The following RFX7 variants were observed in gnomAD, a reference collection of about 807,000 sequenced individuals.
RFX7 encodes the protein regulatory factor X7.
A neutral mutation model predicts 111.8 loss-of-function variants in RFX7; 26 were observed. The ratio of observed to expected loss-of-function variants is 0.23; its 90% CI spans 0.17 to 0.32. RFX7 has a LOEUF of 0.32. Ranked by LOEUF, RFX7 falls within the 10% of genes least tolerant of loss-of-function variation. The pLI, the probability that RFX7 is intolerant of heterozygous loss-of-function variation, is 1.00. For missense variants in RFX7, 1,573 were observed against 1,772.9 expected (o/e 0.89, Z 2.02); for synonymous variants, 624 against 624.4 (o/e 1.00, Z 0.01).
At chr15:56,206,883 GT>G (rs547494471) in intron 2 of RFX7, among the ~76,000 whole-genome samples, 348 of 150,706 alleles carry the variant, frequency 2.3e-3, no homozygotes, top group Non-Finnish European at 4.2e-3. Flanking sequence ...GGGGTGGGGT[GT>G]GGGGAAGTGG....
chr15:56,141,675 A>ATATATATATATATATATATATATATATG (rs1567024632), intron 5 of RFX7, among the ~76,000 whole-genome samples: 1 of 137,368 alleles, frequency 7.3e-6, no homozygotes, highest in African/African-American at 2.9e-5. Flanking sequence ...ATATATATAT[A>ATATATATATATATATATATATATATATG]TGCATATATG....
chr15:56,087,649 T>G lies in RFX7; in HGVS notation c.*5696A>C. 1 of 436,448 alleles carries G rather than the reference T, an allele frequency of 2.3e-6. No homozygotes were observed. Among genetic ancestry groups the G allele is most frequent in the South Asian group, 1.6e-5 (1 of 60,700 alleles). 27.0% of individuals were successfully genotyped at this position (436,448 alleles called of 1,614,324 possible). On this transcript the variant is annotated 3_prime_UTR_variant, in exon 10 of 10. Coordinates refer to ENST00000559447, the MANE Select transcript of RFX7 (RefSeq NM_022841.7). ...GTGCTCAGCTAAAAATCAAGGACTTTTACAGTAAAGAAGAAGGGGAGAATG... is the reference window on the plus strand; with the variant it reads ...GTGCTCAGCTAAAAATCAAGGACTTGTACAGTAAAGAAGAAGGGGAGAATG...
chr15:56,179,244 AT>A, intron 3 of RFX7, 25 bp downstream of exon 3: 1 of 1,156,794 alleles, frequency 8.6e-7, no homozygotes, highest in South Asian at 1.4e-5. Context: ...TTGCAAAAGG[AT>A]TTTAATATTA....
intron 3 of RFX7, among the ~76,000 whole-genome samples, chr15:56,159,938 GTGAAGCATCAGGTTT>G (rs2042701643): frequency 6.6e-6 from 1 of 152,210 alleles, no homozygotes; most frequent in Non-Finnish European, 1.5e-5. Flanking sequence ...CTGTGAAAAA[GTGAAGCATCAGGTTT>G]AAGCCACAAC....
rs865903498 is a variant in RFX7, at chr15:56,110,330, A to T, written c.402-6660T>A. 7.3e-3 allele frequency among the ~76,000 whole-genome samples: 241 copies of T among 33,222 alleles called. 31 individuals are homozygous for T. Among genetic ancestry groups the T allele is most frequent in the Middle Eastern group, 0.045 (1 of 22 alleles). The allele number at this position is 33,222 out of a possible 152,430, so 21.8% of individuals were successfully genotyped here. A position where few individuals can be genotyped will look rare whatever the true frequency, so the allele number is the denominator to read the frequency against. On this transcript the variant is annotated intron_variant, in intron 5 of 9. Coordinates refer to ENST00000559447, the MANE Select transcript of RFX7 (RefSeq NM_022841.7). ...CCGGGAGGGAGGTGGGGGGGGGGTC[A>T]GCCCCCCGCCTGGCCAGCCGCCTCG...
intron 5 of RFX7, among the ~76,000 whole-genome samples, chr15:56,141,033 C>T (rs1469448689): frequency 6.6e-6 from 1 of 152,200 alleles, no homozygotes; most frequent in Non-Finnish European, 1.5e-5. Flanking sequence ...GGAATTGTCA[C>T]ACATTTATTT....
intron 3 of RFX7, among the ~76,000 whole-genome samples, chr15:56,157,525 T>C (rs951655651): frequency 2.6e-5 from 4 of 152,246 alleles, no homozygotes; most frequent in Non-Finnish European, 5.9e-5. Context: ...GCCACTTTTA[T>C]GTTCAGCATA....
intron 2 of RFX7, among the ~76,000 whole-genome samples, chr15:56,227,556 G>C (rs1456529703): frequency 6.6e-6 from 1 of 152,034 alleles, no homozygotes; most frequent in Non-Finnish European, 1.5e-5. Flanking sequence ...TCTAGAGTTT[G>C]CAATATACAT....
intron 3 of RFX7, among the ~76,000 whole-genome samples, chr15:56,177,715 G>A (rs2042917367): frequency 6.6e-6 from 1 of 152,098 alleles, no homozygotes; most frequent in Admixed American, 6.5e-5. Context: ...AGAGTGGGTG[G>A]CCATATATAG....
rs551490714 is a variant in RFX7, at chr15:56,154,519, A to C, written c.196-10036T>G. ...GATCTTTGACAAACCTGAGAAAAAC[A>C]AGCAATGGGGAAAGGATTCCCTATT... is the stretch of plus-strand genomic sequence containing the variant. On this transcript the variant is annotated intron_variant, in intron 3 of 9. Coordinates refer to ENST00000559447, the MANE Select transcript of RFX7 (RefSeq NM_022841.7). Among the ~76,000 whole-genome samples the C allele has an allele frequency of 1.4e-3, 220 of 152,302 alleles. 2 individuals carry two copies. The South Asian group carries it at 0.015, about 10-fold the overall frequency.
In RFX7 at chr15:56,096,288, G is replaced by T; in HGVS notation, c.1440C>A (p.Leu480=). The T allele has an allele frequency of 6.2e-7, 1 of 1,613,960 alleles. No individual in the cohort carries two copies. The highest frequency in any genetic ancestry group is 8.5e-7 in the Non-Finnish European group (1 of 1,179,862). The change falls in exon 10 of 10, where the codon CTC becomes CTA. Residue 480 remains leucine, a synonymous_variant. Transcript: ENST00000559447. ...GAGGGGTGTTACTGTTGCTGGGTGT[G>T]AGGGATATTGTTGTCATTTTCACCA... ...LNVVKMTTIS[L]TPSNSNTPLK...
At chr15:56,210,846 G>A (rs1306349043) in intron 2 of RFX7, among the ~76,000 whole-genome samples, 1 of 151,850 alleles carries the variant, frequency 6.6e-6, no homozygotes, top group African/African-American at 2.4e-5. Flanking sequence ...TAGAAAAGAA[G>A]ACCTAAAATC....
chr15:56,118,685 A>G (rs940491577), intron 5 of RFX7, among the ~76,000 whole-genome samples: 5 of 152,104 alleles, frequency 3.3e-5, no homozygotes, highest in Non-Finnish European at 2.9e-5. Flanking sequence ...TGATATCCAG[A>G]TTTCCTTTCT....
At chr15:56,228,285 T>G (rs1411066775) in intron 2 of RFX7, among the ~76,000 whole-genome samples, 1 of 152,198 alleles carries the variant, frequency 6.6e-6, no homozygotes, top group Non-Finnish European at 1.5e-5. Context: ...CAAATATTTC[T>G]TCTGTTCCTT....
chr15:56,167,061 G>T (rs1194695200), intron 3 of RFX7, among the ~76,000 whole-genome samples: 1 of 152,118 alleles, frequency 6.6e-6, no homozygotes, highest in African/African-American at 2.4e-5. Context: ...TTTCTCATGG[G>T]AGGCTGAGGC....
At chr15:56,165,360 G>T (rs1428768615) in intron 3 of RFX7, among the ~76,000 whole-genome samples, 1 of 152,126 alleles carries the variant, frequency 6.6e-6, no homozygotes, top group Non-Finnish European at 1.5e-5. Context: ...TTCTCCCCTG[G>T]AAGGAACCTG....
intron 2 of RFX7, among the ~76,000 whole-genome samples, chr15:56,215,203 T>C (rs2043351547): frequency 6.6e-6 from 1 of 152,220 alleles, no homozygotes; most frequent in African/African-American, 2.4e-5. Context: ...ATCAATACAA[T>C]GTAAGTGCTA....
chr15:56,137,661 T>G (rs35366842), intron 5 of RFX7, among the ~76,000 whole-genome samples: 3 of 151,508 alleles, frequency 2.0e-5, no homozygotes, highest in African/African-American at 4.9e-5. Flanking sequence ...TGCTAGCTTT[T>G]GAATGTGTTT....
intron 5 of RFX7, among the ~76,000 whole-genome samples, chr15:56,132,961 G>C (rs759630949): frequency 1.3e-5 from 2 of 151,970 alleles, no homozygotes; most frequent in Non-Finnish European, 2.9e-5. Context: ...GCCAAATTTG[G>C]TTAAACAACA....
Sources: allele counts gnomAD v4.1 joint callset (sites outside exome capture counted in the v4.1 genomes callset), GRCh38; gene constraint gnomAD v4.1.1; transcripts MANE v1.5; gene names NCBI Gene and HGNC (gene_info 2026-07-23, HGNC 2026-07-21).